Variants in GALNT13 observed in about 807,000 individuals in gnomAD.
The protein encoded by GALNT13 is polypeptide N-acetylgalactosaminyltransferase 13.
GALNT13 carries 28 observed loss-of-function variants against 64.2 expected under a neutral mutation model. The observed-to-expected ratio is 0.44, with a 90% confidence interval of 0.32 to 0.60. The LOEUF (loss-of-function observed/expected upper bound fraction) is 0.60. GALNT13 is among the 20% of genes least tolerant of loss of function. The pLI is 0.05. For missense variants in GALNT13, 577 were observed against 669.8 expected (o/e 0.86, Z 1.53); for synonymous variants, 214 against 224.6 (o/e 0.95, Z 0.42).
chr2:153,522,348 AAGAGAG>A, the GALNT13 span, among the ~76,000 whole-genome samples: 54 of 151,640 alleles, frequency 3.6e-4, no homozygotes, highest in African/African-American at 1.3e-3. Flanking sequence ...GAAAAAAATA[AAGAGAG>A]AGAGAGAGTG....
chr2:154,096,652 A>G (rs10931905), intron 3 of GALNT13, among the ~76,000 whole-genome samples: 83,745 of 151,802 alleles, frequency 0.55, 24,320 homozygotes, highest in East Asian at 0.85. Context: ...CTTTCACCAT[A>G]TAGTCCAGAT....
chr2:153,529,654 C>T, the GALNT13 span, among the ~76,000 whole-genome samples: 7 of 151,942 alleles, frequency 4.6e-5, no homozygotes, highest in East Asian at 1.2e-3. Context: ...TAAATATCCT[C>T]AACAAAATAC....
At chr2:153,544,433 T>A in the GALNT13 span, among the ~76,000 whole-genome samples, 1 of 152,192 alleles carries the variant, frequency 6.6e-6, no homozygotes, top group Admixed American at 6.5e-5. Context: ...AAGCATTGCA[T>A]GATGTCTTTG....
At chr2:153,486,939 T>C in the GALNT13 span, among the ~76,000 whole-genome samples, 1 of 152,124 alleles carries the variant, frequency 6.6e-6, no homozygotes, top group Non-Finnish European at 1.5e-5. Context: ...CCAGCTTCAA[T>C]ATGGGGAAAA....
chr2:153,228,102 T>C, the GALNT13 span, among the ~76,000 whole-genome samples: 1 of 152,186 alleles, frequency 6.6e-6, no homozygotes, highest in African/African-American at 2.4e-5. Flanking sequence ...TACTTGGAGT[T>C]GTAGAAGGGT....
chr2:153,857,202 A>G, the GALNT13 span, among the ~76,000 whole-genome samples: 1 of 152,248 alleles, frequency 6.6e-6, no homozygotes, highest in South Asian at 2.1e-4. Flanking sequence ...ATTTGAAATT[A>G]GCCATATTGG....
chr2:153,102,216 G>A, the GALNT13 span, among the ~76,000 whole-genome samples: 1 of 151,650 alleles, frequency 6.6e-6, no homozygotes, highest in Admixed American at 6.6e-5. Flanking sequence ...CCCTCTCTCT[G>A]TCTTTGTCTC....
At chr2:154,321,177 A>T (rs1160069596) in intron 9 of GALNT13, among the ~76,000 whole-genome samples, 1 of 152,044 alleles carries the variant, frequency 6.6e-6, no homozygotes, top group Non-Finnish European at 1.5e-5. Context: ...GTACAGGAGG[A>T]AAAAAAGACC....
chr2:154,124,507 T>C (rs1682140433), intron 3 of GALNT13, among the ~76,000 whole-genome samples: 1 of 152,050 alleles, frequency 6.6e-6, no homozygotes, highest in Non-Finnish European at 1.5e-5. Context: ...AAAAAATGAC[T>C]TCTTTTCATT....
the GALNT13 span, among the ~76,000 whole-genome samples, chr2:153,787,945 A>G: frequency 6.6e-6 from 1 of 152,202 alleles, no homozygotes; most frequent in Non-Finnish European, 1.5e-5. Context: ...TTATGTAAAG[A>G]AGCCAAATCT....
chr2:153,240,587 A>T, the GALNT13 span, among the ~76,000 whole-genome samples: 9 of 152,134 alleles, frequency 5.9e-5, no homozygotes, highest in South Asian at 4.1e-4. Context: ...ATGTGCATGG[A>T]TTTAATTGCA....
the GALNT13 span, among the ~76,000 whole-genome samples, chr2:153,191,705 C>CTT: frequency 3.0e-4 from 42 of 141,488 alleles, no homozygotes; most frequent in African/African-American, 8.5e-4. Context: ...GCTTGAAAGA[C>CTT]TTTTTTTTTT....
chr2:153,224,967 C>T, the GALNT13 span, among the ~76,000 whole-genome samples: 3 of 152,206 alleles, frequency 2.0e-5, no homozygotes, highest in Non-Finnish European at 2.9e-5. Flanking sequence ...TGCTTCTTAA[C>T]TCATTCTATG....
At chr2:154,064,757 G>A (rs1041435597) in intron 3 of GALNT13, among the ~76,000 whole-genome samples, 1 of 152,072 alleles carries the variant, frequency 6.6e-6, no homozygotes, top group African/African-American at 2.4e-5. Flanking sequence ...GTGGGCCTTG[G>A]GTAAGACTGA....
At chr2:153,689,164 C>T in the GALNT13 span, among the ~76,000 whole-genome samples, 1 of 151,506 alleles carries the variant, frequency 6.6e-6, no homozygotes, top group East Asian at 1.9e-4. Context: ...ATCTTCCTAC[C>T]AGTGGTAGAA....
the GALNT13 span, among the ~76,000 whole-genome samples, chr2:153,352,485 C>T: frequency 6.6e-6 from 1 of 152,100 alleles, no homozygotes; most frequent in African/African-American, 2.4e-5. Context: ...TCCTTTCTCT[C>T]ATGGATTATG....
At chr2:153,393,075 G>A in the GALNT13 span, among the ~76,000 whole-genome samples, 1 of 152,002 alleles carries the variant, frequency 6.6e-6, no homozygotes, top group Admixed American at 6.6e-5. Context: ...AAACTACCCA[G>A]TCTAAGGGAT....
At chr2:153,393,044 A>G in the GALNT13 span, among the ~76,000 whole-genome samples, 3 of 152,168 alleles carry the variant, frequency 2.0e-5, no homozygotes, top group East Asian at 3.9e-4. Flanking sequence ...CCAGAAGTAT[A>G]AGAAATAAAT....
At chr2:154,437,471 G>C in intron 11 of GALNT13, 1 of 1,123,864 alleles carries the variant, frequency 8.9e-7, no homozygotes, top group Non-Finnish European at 1.1e-6. Flanking sequence ...GTATTCTGTT[G>C]ACATTGCAAG....
Sources: gnomAD v4.1 joint callset for allele counts (sites outside exome capture counted in the v4.1 genomes callset) on GRCh38, gnomAD v4.1.1 for gene constraint, MANE v1.5 for transcripts, NCBI Gene and HGNC (gene_info 2026-07-23, HGNC 2026-07-21) for gene names.